The following TRIM2 variants were observed in gnomAD, a reference collection of about 807,000 sequenced individuals.
The protein encoded by TRIM2 is tripartite motif containing 2.
A neutral mutation model predicts 75.2 loss-of-function variants in TRIM2; 20 were observed. The observed-to-expected ratio is 0.27, with a 90% CI of 0.19 to 0.39. The LOEUF (loss-of-function observed/expected upper bound fraction) is 0.39. Ranked by LOEUF, TRIM2 falls within the 10% of genes least tolerant of loss-of-function variation. The pLI is 1.00. For synonymous variants in TRIM2, 373 were observed against 388.3 expected (o/e 0.96, Z 0.46); for missense variants, 660 against 990.8 (o/e 0.67, Z 4.48).
chr4:153,231,056 T>C (rs1205740630), intron 1 of TRIM2, among the ~76,000 whole-genome samples: 1 of 152,208 alleles, frequency 6.6e-6, no homozygotes, highest in Non-Finnish European at 1.5e-5. Flanking sequence ...GACTCACACC[T>C]AGGATGTCTT....
chr4:153,264,382 G>A (rs375657833), intron 1 of TRIM2, among the ~76,000 whole-genome samples: 1 of 152,194 alleles, frequency 6.6e-6, no homozygotes, highest in African/African-American at 2.4e-5. Flanking sequence ...TTCTTTACAG[G>A]CGAAGTCCAC....
At chr4:153,200,963 T>G (rs1734300643), upstream of TRIM2, among the ~76,000 whole-genome samples, 1 of 151,842 alleles carries the variant, frequency 6.6e-6, no homozygotes, top group Non-Finnish European at 1.5e-5. Flanking sequence ...CATTTGGTTT[T>G]TTGGGTTTTT....
intron 3 of TRIM2, among the ~76,000 whole-genome samples, chr4:153,285,039 C>A (rs963271269): frequency 6.6e-6 from 1 of 151,984 alleles, no homozygotes; most frequent in Non-Finnish European, 1.5e-5. Context: ...GAAAATTCAC[C>A]CCTGTTTCCT....
intron 10 of TRIM2, among the ~76,000 whole-genome samples, 180 bp from the exon 11 acceptor site, chr4:153,328,350 T>C (rs999418736): frequency 1.3e-5 from 2 of 152,150 alleles, no homozygotes; most frequent in South Asian, 2.1e-4. Flanking sequence ...ATTTATACAG[T>C]AATTTGGGGA....
At chr4:153,161,648 GACA>G (rs1729749784) in intron 1 of TRIM2, among the ~76,000 whole-genome samples, 1 of 152,206 alleles carries the variant, frequency 6.6e-6, no homozygotes. Context: ...AACTCTCACA[GACA>G]ACGCTAGTAC....
chr4:153,182,723 T>C (rs1732195040), intron 1 of TRIM2, among the ~76,000 whole-genome samples: 1 of 152,242 alleles, frequency 6.6e-6, no homozygotes, highest in Non-Finnish European at 1.5e-5. Flanking sequence ...AATAACCTAA[T>C]ACTTGGGTTA....
At chr4:153,270,938 G>A (rs963033047) in intron 2 of TRIM2, among the ~76,000 whole-genome samples, 1 of 152,012 alleles carries the variant, frequency 6.6e-6, no homozygotes, top group African/African-American at 2.4e-5. Context: ...ACTTCAAAAG[G>A]TATAGCTTCT....
chr4:153,221,389 C>T (rs965651183), intron 1 of TRIM2, among the ~76,000 whole-genome samples: 1 of 152,160 alleles, frequency 6.6e-6, no homozygotes, highest in Non-Finnish European at 1.5e-5. Flanking sequence ...GTTTGTGACA[C>T]TGCACTCCAG....
At chr4:153,209,296 A>AGCATGC (rs1249630392) in intron 1 of TRIM2, among the ~76,000 whole-genome samples, 5 of 152,184 alleles carry the variant, frequency 3.3e-5, no homozygotes, top group African/African-American at 4.8e-5. Flanking sequence ...CACACTTATT[A>AGCATGC]GCATGCTGTT....
At chr4:153,177,750 C>CT (rs1731614158) in intron 1 of TRIM2, among the ~76,000 whole-genome samples, 2 of 149,546 alleles carry the variant, frequency 1.3e-5, no homozygotes, top group African/African-American at 4.9e-5. Flanking sequence ...TCCTTCCTTC[C>CT]TTCTTTCCCT....
chr4:153,336,334 C>T lies in TRIM2; in HGVS notation c.*1368C>T, dbSNP rs1772440351. 1.0e-6 allele frequency: 1 copy of T among 970,192 alleles called. No homozygotes were observed. The highest frequency in any genetic ancestry group is 1.2e-4 in the East Asian group (1 of 8,604). 60.1% of individuals were successfully genotyped at this position (970,192 alleles called of 1,614,324 possible). On this transcript the variant is annotated 3_prime_UTR_variant, in exon 12 of 12. Transcript: ENST00000338700. The stretch of plus-strand genomic sequence containing the variant: ...GTGGTGGCTTTTAGTCAGAAAATGG[C>T]CTTCTGTGCTTTCAAAAAAAAAAAC...
intron 8 of TRIM2, among the ~76,000 whole-genome samples, chr4:153,320,728 G>C (rs901311353): frequency 4.6e-5 from 7 of 152,082 alleles, no homozygotes; most frequent in African/African-American, 1.7e-4. Flanking sequence ...CATCTCCCAG[G>C]TTCAAGTGAT....
rs139493331 is a variant in TRIM2, at chr4:153,299,355, G to GTATATA, written c.1510+3328_1510+3333dup. ...ATAGTATTCCATTGTGTGTGTATGT[G>GTATATA]TATATATATATATACACACAGTGAA... On this transcript the variant is annotated intron_variant, in intron 6 of 11. Transcript: ENST00000338700. Among the ~76,000 whole-genome samples the GTATATA allele has an allele frequency of 8.2e-4, 124 of 150,628 alleles. 1 individual carries two copies. The highest frequency in any genetic ancestry group is 2.9e-3 in the African/African-American group (119 of 41,088).
At chr4:153,176,850 A>G (rs1158659080) in intron 1 of TRIM2, among the ~76,000 whole-genome samples, 2 of 152,108 alleles carry the variant, frequency 1.3e-5, no homozygotes, top group Non-Finnish European at 2.9e-5. Flanking sequence ...ACCTCAGGAG[A>G]TCCACCCGCC....
chr4:153,258,432 G>A (rs1752611147), intron 1 of TRIM2, among the ~76,000 whole-genome samples: 1 of 151,854 alleles, frequency 6.6e-6, no homozygotes, highest in Non-Finnish European at 1.5e-5. Context: ...TTTTGGGTTG[G>A]TCCTTAGGTT....
At chr4:153,254,901 T>A (rs549390555) in intron 1 of TRIM2, among the ~76,000 whole-genome samples, 1 of 152,266 alleles carries the variant, frequency 6.6e-6, no homozygotes, top group South Asian at 2.1e-4. Context: ...GAAACAGATA[T>A]CACCTGCATT....
Position 153,295,268 on chromosome 4 carries a change from C to G in TRIM2, c.787-45C>G. ...TGGAGGGCACTGCCCCGGGCTAGGCCCCGCCCTGTGGGACGAGCTCACCAG... is the reference window on the plus strand; with the variant it reads ...TGGAGGGCACTGCCCCGGGCTAGGCGCCGCCCTGTGGGACGAGCTCACCAG... On this transcript the variant is annotated intron_variant, in intron 5 of 11. Coordinates refer to ENST00000338700, the MANE Select transcript of TRIM2 (RefSeq NM_015271.5). The surrounding 1 kb of genome is among the most constrained non-coding windows in gnomAD (Gnocchi z 7.2). 1 of 1,517,096 alleles carries G rather than the reference C, an allele frequency of 6.6e-7. No homozygotes were observed. 94.0% of individuals were successfully genotyped at this position (1,517,096 alleles called of 1,614,324 possible).
At chr4:153,163,347 G>A (rs867725726) in intron 1 of TRIM2, among the ~76,000 whole-genome samples, 1 of 151,882 alleles carries the variant, frequency 6.6e-6, no homozygotes, top group African/African-American at 2.4e-5. Flanking sequence ...CACCATGCCT[G>A]GCTAATTTAT....
At chr4:153,163,442 C>T (rs1475131186) in intron 1 of TRIM2, among the ~76,000 whole-genome samples, 1 of 151,204 alleles carries the variant, frequency 6.6e-6, no homozygotes, top group Non-Finnish European at 1.5e-5. Context: ...CCTCAGCCTC[C>T]CAAAGTGCTG....
Sources: gnomAD v4.1 joint callset for allele counts (sites outside exome capture counted in the v4.1 genomes callset) on GRCh38, gnomAD v4.1.1 for gene constraint, Gnocchi (gnomAD v3.1) non-coding constraint, MANE v1.5 for transcripts, NCBI Gene and HGNC (gene_info 2026-07-23, HGNC 2026-07-21) for gene names.